The following DESI1 variants were observed in gnomAD, a reference collection of about 807,000 sequenced individuals.
The protein encoded by DESI1 is desumoylating isopeptidase 1.
A neutral mutation model predicts 22.4 loss-of-function variants in DESI1; 17 were observed. The observed-to-expected ratio is 0.76, with a 90% CI of 0.52 to 1.14. The LOEUF is 1.14. Among genes scored for constraint, DESI1 ranks in the 50% most tolerant of loss-of-function variants. The pLI is 0.00. For missense variants in DESI1, 177 were observed against 208.9 expected (o/e 0.85, Z 0.94); for synonymous variants, 92 against 84.2 (o/e 1.09, Z -0.51).
chr22:41,601,538 G>A (rs2067450000), intron 5 of DESI1, among the ~76,000 whole-genome samples: 1 of 152,044 alleles, frequency 6.6e-6, no homozygotes, highest in Admixed American at 6.6e-5. Context: ...TTTAATTCTT[G>A]TGAGCAAGGA....
intron 1 of DESI1, among the ~76,000 whole-genome samples, chr22:41,608,943 T>C (rs2067499308): frequency 1.3e-5 from 2 of 152,202 alleles, no homozygotes; most frequent in Admixed American, 1.3e-4. Flanking sequence ...CTGTTTGCCC[T>C]GTGCCTTTCT....
chr22:41,602,388 A>G, intron 5 of DESI1: 4 of 985,482 alleles, frequency 4.1e-6, no homozygotes, highest in Non-Finnish European at 4.8e-6. Flanking sequence ...AATGATAGGA[A>G]GGCAGGGCCA....
chr22:41,612,756 CTTTTT>C (rs1176318751), intron 1 of DESI1, among the ~76,000 whole-genome samples: 2 of 134,732 alleles, frequency 1.5e-5, no homozygotes. Context: ...CCCAGGCCTA[CTTTTT>C]TTTTTTTTTT....
In DESI1 at chr22:41,599,459, G is replaced by A. The variant is rs1353083324; in HGVS notation, c.*1638C>T. On this transcript the variant is annotated 3_prime_UTR_variant, in exon 6 of 6. Coordinates refer to ENST00000263256, the MANE Select transcript of DESI1 (RefSeq NM_015704.3). Reference sequence around the variant, plus strand: ...GCCCCAACCTGCCTTTCTAAAGTCAGAATGACAATGGAAATAACGTGTGCC... The same window carrying A: ...GCCCCAACCTGCCTTTCTAAAGTCAAAATGACAATGGAAATAACGTGTGCC... 6.6e-6 allele frequency: 1 copy of A among 152,224 alleles called. No homozygotes were observed. The highest frequency in any genetic ancestry group is 1.5e-5 in the Non-Finnish European group (1 of 68,044). The allele number at this position is 152,224 out of a possible 1,614,324, so 9.4% of individuals were successfully genotyped here.
At chr22:41,615,989 G>GTT in intron 1 of DESI1, among the ~76,000 whole-genome samples, 1 of 152,312 alleles carries the variant, frequency 6.6e-6, no homozygotes, top group African/African-American at 2.4e-5. Context: ...AGGGGGGTTT[G>GTT]TTCAGCATTT....
chr22:41,603,911 G>T, intron 4 of DESI1, 133 bp downstream of exon 4: 1 of 718,756 alleles, frequency 1.4e-6, no homozygotes, highest in Non-Finnish European at 2.2e-6. Flanking sequence ...TTTTCTTCAT[G>T]TTAATTCAGC....
intron 1 of DESI1, among the ~76,000 whole-genome samples, chr22:41,616,379 A>G (rs1031053110): frequency 2.0e-5 from 3 of 152,242 alleles, no homozygotes; most frequent in Non-Finnish European, 2.9e-5. Context: ...TCTGCCAAGC[A>G]ATTTATATAT....
chr22:41,603,002 G>GT, intron 5 of DESI1: 1 of 608,910 alleles, frequency 1.6e-6, no homozygotes, highest in Non-Finnish European at 2.6e-6. Flanking sequence ...TGCAAGTACT[G>GT]AAGCCAGTGT....
At chr22:41,614,850 G>C (rs1300381349) in intron 1 of DESI1, among the ~76,000 whole-genome samples, 1 of 150,034 alleles carries the variant, frequency 6.7e-6, no homozygotes, top group Non-Finnish European at 1.5e-5. Context: ...CTCCCAGAGT[G>C]CTGGGATTAC....
intron 1 of DESI1, among the ~76,000 whole-genome samples, chr22:41,619,799 C>T (rs1292843480): frequency 2.0e-5 from 3 of 152,194 alleles, no homozygotes; most frequent in African/African-American, 7.2e-5. Context: ...CTAAATCATT[C>T]GCCAGTGTCT....
rs781712836 is a variant in DESI1, at chr22:41,620,856, G to A, written c.-17C>T. On this transcript the variant is annotated 5_prime_UTR_variant, in exon 1 of 6. Transcript: ENST00000263256. The stretch of plus-strand genomic sequence containing the variant: ...CGGCTCCATTGGGACCCGTGGCGAC[G>A]GCGGCCACGACGGCCCTCGGGCACC... 6.3e-7 allele frequency: 1 copy of A among 1,598,284 alleles called. No individual in the cohort carries two copies. Among genetic ancestry groups the A allele is most frequent in the African/African-American group, 1.3e-5 (1 of 74,582 alleles).
At chr22:41,603,064 C>G in intron 5 of DESI1, 195 bp downstream of exon 5, 1 of 834,952 alleles carries the variant, frequency 1.2e-6, no homozygotes, top group Non-Finnish European at 1.8e-6. Context: ...CAGAGCTGGT[C>G]TAGCTCTGAA....
chr22:41,601,025 G>T lies in DESI1; in HGVS notation c.*72C>A. On this transcript the variant is annotated 3_prime_UTR_variant, in exon 6 of 6. Coordinates refer to ENST00000263256, the MANE Select transcript of DESI1 (RefSeq NM_015704.3). ...AGCTCTGATGTAAAATTATAAAATA[G>T]AAATCTGGTAGGGTTTGTTTTGTTT... is the stretch of plus-strand genomic sequence containing the variant. The T allele has an allele frequency of 7.3e-7, 1 of 1,361,194 alleles. No individual in the cohort carries two copies. The highest frequency in any genetic ancestry group is 1.0e-6 in the Non-Finnish European group (1 of 978,020). 84.3% of individuals were successfully genotyped at this position (1,361,194 alleles called of 1,614,324 possible).
intron 1 of DESI1, among the ~76,000 whole-genome samples, chr22:41,613,476 T>TA (rs1432623874): frequency 6.6e-6 from 1 of 152,226 alleles, no homozygotes; most frequent in Non-Finnish European, 1.5e-5. Context: ...TCTCCCCAGT[T>TA]AGACTACAGT....
At chr22:41,609,478 A>G (rs527893188) in intron 1 of DESI1, among the ~76,000 whole-genome samples, 2 of 152,346 alleles carry the variant, frequency 1.3e-5, no homozygotes, top group South Asian at 4.1e-4. Context: ...AAAAGGGTAA[A>G]GACTTCCAGA....
rs1490491962 is a variant in DESI1, at chr22:41,604,066, A to C, written c.268T>G (p.Ser90Ala). 3 of 1,613,618 alleles carry C rather than the reference A, an allele frequency of 1.9e-6. No homozygotes were observed. The highest frequency in any genetic ancestry group is 1.1e-5 in the South Asian group (1 of 91,070). ...TEEIFLEYLS[S>A]LGESLFRGEA... The stretch of plus-strand genomic sequence containing the variant: ...CACCGGAACAGGGACTCCCCCAGGG[A>C]GGAGAGGTACTCCAGAAAGATTTCT... Residue 90 changes from serine to alanine, a missense_variant, in exon 4 of 6, where the codon TCC becomes GCC. Ser to Ala is a moderately conservative substitution (Grantham distance 99). Coordinates refer to ENST00000263256, the MANE Select transcript of DESI1 (RefSeq NM_015704.3).
At chr22:41,607,888 A>T (rs200027450) in intron 1 of DESI1, 27 bp from the exon 2 acceptor site, 157 of 1,613,962 alleles carry the variant, frequency 9.7e-5, no homozygotes, top group Non-Finnish European at 1.2e-4. Flanking sequence ...AGATTTAGCC[A>T]CTTGGGACTA....
At chr22:41,604,249 A>AATT in intron 3 of DESI1, 96 bp from the exon 4 acceptor site, 1 of 496,620 alleles carries the variant, frequency 2.0e-6, no homozygotes. Context: ...CTCTGTTCTG[A>AATT]CTTTTTTTTT....
chr22:41,602,031 C>T (rs994755182), intron 5 of DESI1: 3 of 222,698 alleles, frequency 1.3e-5, no homozygotes, highest in Non-Finnish European at 2.3e-5. Context: ...TTCTAAAGGG[C>T]TCCTAGGTTG....
Sources: allele counts gnomAD v4.1 joint callset (sites outside exome capture counted in the v4.1 genomes callset), GRCh38; gene constraint gnomAD v4.1.1; transcripts MANE v1.5; gene names NCBI Gene and HGNC (gene_info 2026-07-23, HGNC 2026-07-21).